The following ROBO2 variants were observed in gnomAD, a reference collection of about 807,000 sequenced individuals.
ROBO2 encodes the protein roundabout guidance receptor 2.
A neutral mutation model predicts 160.8 loss-of-function variants in ROBO2; 53 were observed. The observed-to-expected ratio is 0.33, with a 90% CI of 0.26 to 0.41. ROBO2 has a LOEUF of 0.41. ROBO2 is among the 10% of genes least tolerant of loss of function. The pLI, the probability that ROBO2 is intolerant of heterozygous loss-of-function variation, is 1.00. For synonymous variants in ROBO2, 664 were observed against 611.7 expected, an observed-to-expected ratio of 1.09 and a Z score of -1.26; for missense variants, 1,577 against 1,722.4, an observed-to-expected ratio of 0.92 and a Z score of 1.49.
intron 2 of ROBO2, among the ~76,000 whole-genome samples, chr3:76,754,830 G>C (rs1020891819): frequency 6.6e-5 from 10 of 151,848 alleles, no homozygotes; most frequent in Non-Finnish European, 1.2e-4. Flanking sequence ...ACTATTGTGT[G>C]ACAGGAGGGT....
chr3:77,554,027 T>C (rs1157477682), intron 8 of ROBO2, among the ~76,000 whole-genome samples: 1 of 151,948 alleles, frequency 6.6e-6, no homozygotes, highest in Non-Finnish European at 1.5e-5. Context: ...AGTCAATGCC[T>C]GGCTTTAAAT....
chr3:76,493,347 A>ATT (rs2079948874), intron 2 of ROBO2, among the ~76,000 whole-genome samples: 1 of 141,462 alleles, frequency 7.1e-6, no homozygotes, highest in African/African-American at 2.6e-5. Flanking sequence ...TTATATATAT[A>ATT]TATATATATA....
rs374825992 is a variant in ROBO2, at chr3:77,394,871, G to A, written c.389-82543G>A. ...TCAAGATATCGACAAGCTTCTAACC[G>A]TACTACATTATTTTTTAACTTTAAT... On this transcript the variant is annotated intron_variant, in intron 2 of 25. Coordinates refer to ENST00000461745, the Ensembl canonical transcript of ROBO2. 1.9e-3 allele frequency among the ~76,000 whole-genome samples: 285 copies of A among 152,086 alleles called. 3 individuals carry two copies. Among genetic ancestry groups the A allele is most frequent in the African/African-American group, 6.2e-3 (257 of 41,498 alleles).
At chr3:77,402,662 G>A (rs992043916) in intron 2 of ROBO2, among the ~76,000 whole-genome samples, 2 of 151,850 alleles carry the variant, frequency 1.3e-5, no homozygotes, top group African/African-American at 2.4e-5. Context: ...TGCCTCAAGT[G>A]AGCGTGTGTA....
intron 2 of ROBO2, among the ~76,000 whole-genome samples, chr3:77,328,721 A>G (rs2065688757): frequency 6.6e-6 from 1 of 152,058 alleles, no homozygotes; most frequent in African/African-American, 2.4e-5. Context: ...AACACTTTAT[A>G]CTCTGAAAAA....
chr3:76,919,307 A>G (rs556800463), intron 2 of ROBO2, among the ~76,000 whole-genome samples: 44 of 152,316 alleles, frequency 2.9e-4, no homozygotes, highest in African/African-American at 1.0e-3. Context: ...TGATGATACA[A>G]TTGCTCTGAA....
At chr3:76,618,410 T>C (rs2088770134) in intron 2 of ROBO2, among the ~76,000 whole-genome samples, 2 of 150,684 alleles carry the variant, frequency 1.3e-5, no homozygotes, top group African/African-American at 4.9e-5. Context: ...AAATTAAAAC[T>C]AAAAAATTCA....
chr3:76,331,232 A>G (rs998730200), intron 2 of ROBO2, among the ~76,000 whole-genome samples: 1 of 152,206 alleles, frequency 6.6e-6, no homozygotes, highest in Non-Finnish European at 1.5e-5. Flanking sequence ...AATACAAACA[A>G]TTGTATATTT....
chr3:77,576,403 T>C (rs11925882), intron 14 of ROBO2, among the ~76,000 whole-genome samples: 11,152 of 152,180 alleles, frequency 0.073, 981 homozygotes, highest in African/African-American at 0.2. Context: ...TAGAGCTATG[T>C]AAGCATTGAT....
At chr3:76,628,995 C>T (rs1331943806) in intron 2 of ROBO2, among the ~76,000 whole-genome samples, 6 of 151,954 alleles carry the variant, frequency 3.9e-5, no homozygotes, top group Non-Finnish European at 5.9e-5. Context: ...CATAATATAG[C>T]GTCACTTTTG....
intron 2 of ROBO2, among the ~76,000 whole-genome samples, chr3:76,123,025 G>T (rs2070817654): frequency 6.6e-6 from 1 of 152,038 alleles, no homozygotes; most frequent in South Asian, 2.1e-4. Context: ...GGGATTACAG[G>T]CATGAGCCAC....
chr3:76,073,072 G>A (rs2068515565), intron 2 of ROBO2, among the ~76,000 whole-genome samples: 1 of 152,040 alleles, frequency 6.6e-6, no homozygotes, highest in South Asian at 2.1e-4. Flanking sequence ...CACTTGAAAT[G>A]TTGGAATGAA....
At chr3:76,039,273 A>G (rs2067209583) in intron 2 of ROBO2, among the ~76,000 whole-genome samples, 2 of 151,982 alleles carry the variant, frequency 1.3e-5, no homozygotes, top group African/African-American at 4.8e-5. Context: ...TTGTGGTAAA[A>G]GAGTAAAATA....
At chr3:75,984,836 A>C (rs1377104241) in intron 2 of ROBO2, among the ~76,000 whole-genome samples, 1 of 151,372 alleles carries the variant, frequency 6.6e-6, no homozygotes, top group African/African-American at 2.4e-5. Flanking sequence ...CCTTTCTTAG[A>C]TAATTAGAAG....
chr3:77,257,059 G>A (rs1049141651), intron 2 of ROBO2, among the ~76,000 whole-genome samples: 8 of 152,126 alleles, frequency 5.3e-5, no homozygotes, highest in Admixed American at 1.3e-4. Context: ...TTACCTAGAC[G>A]TGTGGCTTAT....
At chr3:76,148,678 T>G (rs1025812689) in intron 2 of ROBO2, among the ~76,000 whole-genome samples, 1 of 152,042 alleles carries the variant, frequency 6.6e-6, no homozygotes, top group African/African-American at 2.4e-5. Flanking sequence ...GCTGCCTTAT[T>G]GTAATAAGAA....
At chr3:77,436,522 A>G (rs950291244) in intron 2 of ROBO2, among the ~76,000 whole-genome samples, 1 of 151,850 alleles carries the variant, frequency 6.6e-6, no homozygotes, top group Non-Finnish European at 1.5e-5. Flanking sequence ...GTCAGCCTGT[A>G]TCAACATTGC....
chr3:77,580,013 G>C (rs759802937), exon 16 of ROBO2: 1 of 1,613,744 alleles, frequency 6.2e-7, no homozygotes. Context: ...CATTCGGTCC[G>C]TAATAATTGG....
intron 2 of ROBO2, among the ~76,000 whole-genome samples, chr3:76,979,552 T>G (rs1256585234): frequency 1.3e-5 from 2 of 151,984 alleles, no homozygotes; most frequent in Non-Finnish European, 2.9e-5. Flanking sequence ...GATTTCATTT[T>G]TCTTTATTGC....
Sources: allele counts gnomAD v4.1 joint callset (sites outside exome capture counted in the v4.1 genomes callset), GRCh38; gene constraint gnomAD v4.1.1; transcripts MANE v1.5; gene names NCBI Gene and HGNC (gene_info 2026-07-23, HGNC 2026-07-21).